Variants in FMO2 observed in about 807,000 individuals in gnomAD.
FMO2 encodes the protein flavin-containing monooxygenase 2.
In FMO2, 33 loss-of-function variants were observed where a neutral mutation model predicts 41.6. That is an observed-to-expected ratio of 0.79 (90% confidence interval 0.60 to 1.06). The LOEUF (loss-of-function observed/expected upper bound fraction) is 1.06. FMO2 is among the 50% of genes least tolerant of loss of function. The pLI is 0.00. For synonymous variants in FMO2, 214 were observed against 219.6 expected, an observed-to-expected ratio of 0.97 and a Z score of 0.23; for missense variants, 619 against 632.9, an observed-to-expected ratio of 0.98 and a Z score of 0.23.
At chr1:171,187,687 T>C (rs12086257) in intron 2 of FMO2, among the ~76,000 whole-genome samples, 15,378 of 148,974 alleles carry the variant, frequency 0.1, 1,425 homozygotes, top group African/African-American at 0.26. Flanking sequence ...CCCAAATCTA[T>C]GGAATCAAAA....
intron 2 of FMO2, among the ~76,000 whole-genome samples, chr1:171,192,349 T>G (rs1291226452): frequency 6.6e-6 from 1 of 152,178 alleles, no homozygotes; most frequent in Non-Finnish European, 1.5e-5. Flanking sequence ...ATATGTATAG[T>G]TAACAATAAT....
intron 2 of FMO2, among the ~76,000 whole-genome samples, chr1:171,187,844 T>C (rs1657917001): frequency 6.6e-6 from 1 of 152,102 alleles, no homozygotes; most frequent in Admixed American, 6.6e-5. Flanking sequence ...GAGAAATTGA[T>C]TCTTCTGTAA....
Position 171,203,878 on chromosome 1 carries a change from C to T in FMO2, c.641C>T (p.Thr214Ile), listed in dbSNP as rs1571289151. The change falls in exon 6 of 9, where the codon ACC becomes ATC. Residue 214 changes from threonine to isoleucine, a missense_variant. Transcript: ENST00000209929. ...SKNAAQVFIS[T>I]RHGTWVMSRI... ...TTTGCTTGCCAGGTTTTTATCAGCA[C>T]CAGGCATGGCACCTGGGTCATGAGC... 6.2e-7 allele frequency: 1 copy of T among 1,613,426 alleles called. No homozygotes were observed. The highest frequency in any genetic ancestry group is 2.2e-5 in the East Asian group (1 of 44,848).
chr1:171,186,639 C>T (rs568281130), intron 2 of FMO2, among the ~76,000 whole-genome samples: 1 of 152,248 alleles, frequency 6.6e-6, no homozygotes, highest in East Asian at 1.9e-4. Flanking sequence ...TTACCTACCC[C>T]CACCAGGTCC....
chr1:171,205,398 G>C lies in FMO2; in HGVS notation c.947G>C (p.Gly316Ala), dbSNP rs1372362406. ...GAAACTTCTGCCATCTTTGAGGATG[G>C]AACAGTGGAGGAGAACATTGATGTC... Reference protein sequence around the residue: ...LTETSAIFEDGTVEENIDVII... With the variant: ...LTETSAIFEDATVEENIDVII... The change falls in exon 7 of 9, where the codon GGA (glycine) becomes GCA (alanine). Residue 316 changes from glycine to alanine, a missense_variant. Physicochemically the swap from Gly to Ala is moderately conservative, Grantham distance 60. Transcript: ENST00000209929. 1.2e-6 allele frequency: 2 copies of C among 1,613,868 alleles called. No individual in the cohort carries two copies. Among genetic ancestry groups the C allele is most frequent in the South Asian group, 2.2e-5 (2 of 91,084 alleles).
rs746999431 is a variant in FMO2 at position 171,185,818 on chromosome 1, A to C, written c.105A>C (p.Glu35Asp). ...AGCCCACTTGCTTTGAGAGAACTGA[A>C]GATATTGGAGGAGTGTGGAGGTTCA... Reference protein sequence around the residue: ...GLEPTCFERTEDIGGVWRFKE... With the variant: ...GLEPTCFERTDDIGGVWRFKE... The change falls in exon 2 of 9, where the codon GAA becomes GAC. Residue 35 changes from glutamate to aspartate, a missense_variant. Physicochemically the swap from Glu to Asp is conservative, Grantham distance 45. Transcript: ENST00000209929. 1 of 1,613,864 alleles carries C rather than the reference A, an allele frequency of 6.2e-7. No individual in the cohort carries two copies. The highest frequency in any genetic ancestry group is 2.2e-5 in the East Asian group (1 of 44,882).
chr1:171,206,375 G>T (rs2102014038), intron 7 of FMO2, among the ~76,000 whole-genome samples: 1 of 152,234 alleles, frequency 6.6e-6, no homozygotes. Flanking sequence ...AAAGGGGATT[G>T]CCTGAACAAA....
At chr1:171,202,579 A>G (rs1327173927) in intron 5 of FMO2, among the ~76,000 whole-genome samples, 1 of 152,052 alleles carries the variant, frequency 6.6e-6, no homozygotes, top group Non-Finnish European at 1.5e-5. Context: ...TATATATACC[A>G]CCTCATTTAA....
At chr1:171,203,721 G>A in intron 5 of FMO2, 144 bp from the exon 6 acceptor site, 1 of 681,752 alleles carries the variant, frequency 1.5e-6, no homozygotes, top group East Asian at 2.7e-5. Context: ...CTATTTAGGA[G>A]GTACTTTACA....
At chr1:171,188,330 A>C (rs12085225) in intron 2 of FMO2, among the ~76,000 whole-genome samples, 53,433 of 151,986 alleles carry the variant, frequency 0.35, 10,346 homozygotes, top group East Asian at 0.55. Flanking sequence ...ATTAGAGATA[A>C]CTTCCTATTC....
rs1027497222 is a variant in FMO2, at chr1:171,207,744, A to G, written c.1210A>G (p.Thr404Ala). The G allele has an allele frequency of 2.5e-6, 4 of 1,611,386 alleles. No individual in the cohort carries two copies. Among genetic ancestry groups the G allele is most frequent in the Non-Finnish European group, 3.4e-6 (4 of 1,178,116 alleles). The change falls in exon 8 of 9, where the codon ACT (threonine) becomes GCT (alanine). Residue 404 changes from threonine to alanine, a missense_variant. Thr to Ala is a moderately conservative substitution (Grantham distance 58). Coordinates refer to ENST00000209929, the MANE Select transcript of FMO2 (RefSeq NM_001460.5). The stretch of plus-strand genomic sequence containing the variant: ...CTTGTGTAGCCTGCCCTCAGAGAGA[A>G]CTATGATGATGGACATTATCAAAAG... ...KGLCSLPSERTMMMDIIKRNE... is the reference protein window; with the variant it reads ...KGLCSLPSERAMMMDIIKRNE...
At chr1:171,192,139 T>C (rs941499506) in intron 2 of FMO2, among the ~76,000 whole-genome samples, 1 of 152,188 alleles carries the variant, frequency 6.6e-6, no homozygotes, top group African/African-American at 2.4e-5. Context: ...GTCTTGCCAA[T>C]GACATTACAT....
chr1:171,188,557 C>A (rs1481067154), intron 2 of FMO2, among the ~76,000 whole-genome samples: 1 of 152,152 alleles, frequency 6.6e-6, no homozygotes, highest in Non-Finnish European at 1.5e-5. Context: ...ATTTCATAGG[C>A]TGCCTGCACT....
chr1:171,201,888 A>G (rs1658554362), intron 5 of FMO2, among the ~76,000 whole-genome samples: 2 of 152,130 alleles, frequency 1.3e-5, no homozygotes, highest in African/African-American at 4.8e-5. Flanking sequence ...CTATTAGGAG[A>G]ACAGCATGGC....
chr1:171,205,252 A>G (rs777718618), intron 6 of FMO2, 27 bp from the exon 7 acceptor site: 18 of 1,419,278 alleles, frequency 1.3e-5, no homozygotes, highest in Non-Finnish European at 5.9e-6. Context: ...ATGATCCTTC[A>G]GAATGTTTTT....
intron 3 of FMO2, 85 bp downstream of exon 3, chr1:171,193,608 T>C (rs1658178926): frequency 1.1e-6 from 1 of 895,830 alleles, no homozygotes; most frequent in Admixed American, 2.6e-5. Flanking sequence ...ATGAAAGCAA[T>C]TATGAATGAA....
intron 2 of FMO2, among the ~76,000 whole-genome samples, chr1:171,189,449 GA>G (rs1264168481): frequency 1.3e-5 from 2 of 151,792 alleles, no homozygotes; most frequent in Non-Finnish European, 2.9e-5. Context: ...GAAAGCAGCA[GA>G]AAAAAAGTGG....
intron 1 of FMO2, 109 bp downstream of exon 1, chr1:171,185,468 T>C (rs751684079): frequency 2.7e-6 from 1 of 370,510 alleles, no homozygotes; most frequent in Non-Finnish European, 5.0e-6. Context: ...CTTTGTTCAA[T>C]GGGTCGCTTT....
chr1:171,192,288 T>C (rs1250549720), intron 2 of FMO2, among the ~76,000 whole-genome samples: 2 of 152,168 alleles, frequency 1.3e-5, no homozygotes, highest in African/African-American at 4.8e-5. Flanking sequence ...TATCCTTGTA[T>C]ATGAGACAGA....
Sources: gnomAD v4.1 joint callset for allele counts (sites outside exome capture counted in the v4.1 genomes callset) on GRCh38, gnomAD v4.1.1 for gene constraint, MANE v1.5 for transcripts, NCBI Gene and HGNC (gene_info 2026-07-23, HGNC 2026-07-21) for gene names.